PMS1: variants seen among roughly 807,000 people sequenced by gnomAD.
PMS1 encodes the protein PMS1 protein homolog 1.
A neutral mutation model predicts 93.1 loss-of-function variants in PMS1; 79 were observed. The ratio of observed to expected loss-of-function variants is 0.85; its 90% CI spans 0.71 to 1.02. The LOEUF (loss-of-function observed/expected upper bound fraction) is 1.02, where lower values mean the gene tolerates loss of function less well. PMS1 is among the 50% of genes least tolerant of loss of function. The probability of loss-of-function intolerance (pLI) is 0.00; values close to 1 mark genes in which losing one functional copy is unlikely to be tolerated. For missense variants in PMS1, 1,064 were observed against 1,085.3 expected, an observed-to-expected ratio of 0.98 and a Z score of 0.28; for synonymous variants, 335 against 363.4, an observed-to-expected ratio of 0.92 and a Z score of 0.89.
chr2:189,830,348 G>A (rs1237660269), intron 5 of PMS1, among the ~76,000 whole-genome samples: 1 of 152,074 alleles, frequency 6.6e-6, no homozygotes, highest in Non-Finnish European at 1.5e-5. Context: ...TTCCAGCTCA[G>A]GACTGTCGCA....
chr2:189,826,977 A>G lies in PMS1; in HGVS notation c.582+8797A>G, dbSNP rs550048990. Among the ~76,000 whole-genome samples the G allele has an allele frequency of 3.9e-5, 6 of 152,230 alleles. No individual in the cohort carries two copies. In the East Asian group the frequency reaches 1.2e-3, roughly 29 times the overall value. On this transcript the variant is annotated intron_variant, in intron 5 of 12. Coordinates refer to ENST00000441310, the MANE Select transcript of PMS1 (RefSeq NM_000534.5). ...TGAATTCCTTGGTGACCTCTTATGT[A>G]TTTAGGGAGTATATTTTCACTTGTA... is the stretch of plus-strand genomic sequence containing the variant.
At chr2:189,826,905 C>G (rs560505482) in intron 5 of PMS1, among the ~76,000 whole-genome samples, 40 of 152,232 alleles carry the variant, frequency 2.6e-4, no homozygotes, top group Admixed American at 2.2e-3. Flanking sequence ...ACACTCTGGC[C>G]TCTCTCAGAC....
At chr2:189,824,539 A>G (rs1454770175) in intron 5 of PMS1, among the ~76,000 whole-genome samples, 3 of 152,110 alleles carry the variant, frequency 2.0e-5, no homozygotes, top group African/African-American at 4.8e-5. Flanking sequence ...TTTATAGTGT[A>G]CTACATTTTA....
intron 3 of PMS1, among the ~76,000 whole-genome samples, chr2:189,804,146 G>A (rs1168516703): frequency 6.6e-6 from 1 of 152,146 alleles, no homozygotes; most frequent in Non-Finnish European, 1.5e-5. Flanking sequence ...GCCACTGGCA[G>A]GGTTAGTCCT....
chr2:189,848,689 G>A (rs1277551679), intron 6 of PMS1, among the ~76,000 whole-genome samples: 1 of 152,028 alleles, frequency 6.6e-6, no homozygotes, highest in Non-Finnish European at 1.5e-5. Context: ...CAGTTCCATG[G>A]GCTGTCAGAA....
intron 4 of PMS1, chr2:189,806,381 C>A: frequency 3.2e-6 from 1 of 308,042 alleles, no homozygotes; most frequent in Non-Finnish European, 6.3e-6. Flanking sequence ...TAATTGATAT[C>A]TTATGTTTTT....
At chr2:189,800,389 G>A (rs1228776867) in intron 3 of PMS1, among the ~76,000 whole-genome samples, 1 of 152,160 alleles carries the variant, frequency 6.6e-6, no homozygotes, top group Admixed American at 6.5e-5. Context: ...GTTGTTAGGA[G>A]TAGGTGAGTT....
At chr2:189,855,326 G>A (rs1205243924) in intron 9 of PMS1, among the ~76,000 whole-genome samples, 198 bp downstream of exon 9, 1 of 135,514 alleles carries the variant, frequency 7.4e-6, no homozygotes, top group Non-Finnish European at 1.5e-5. Flanking sequence ...GCGGGGGCTT[G>A]TATTATTTTG....
At chr2:189,791,062 T>A (rs1236034498) in intron 1 of PMS1, among the ~76,000 whole-genome samples, 1 of 151,876 alleles carries the variant, frequency 6.6e-6, no homozygotes, top group African/African-American at 2.4e-5. Flanking sequence ...CTTCCTCTAA[T>A]GTTATTGTGG....
intron 9 of PMS1, among the ~76,000 whole-genome samples, chr2:189,856,260 A>G (rs1466365156): frequency 2.0e-5 from 3 of 151,880 alleles, no homozygotes; most frequent in South Asian, 2.1e-4. Flanking sequence ...TTCACCACCA[A>G]TCATCTCATA....
intron 6 of PMS1, among the ~76,000 whole-genome samples, chr2:189,845,450 G>T (rs748503288): frequency 6.6e-6 from 1 of 151,322 alleles, no homozygotes; most frequent in Non-Finnish European, 1.5e-5. Flanking sequence ...GTAGTTTTTC[G>T]CTTTTTCTGG....
chr2:189,803,950 A>G lies in PMS1; in HGVS notation c.316-1702A>G, dbSNP rs556591113. ...CTAAGGTCTTATTTTGCTTTTTAGCACTTCAGTTTCTTCGTCTAGACTGGA... is the reference window on the plus strand; with the variant it reads ...CTAAGGTCTTATTTTGCTTTTTAGCGCTTCAGTTTCTTCGTCTAGACTGGA... On this transcript the variant is annotated intron_variant, in intron 3 of 12. Transcript: ENST00000441310. Among the ~76,000 whole-genome samples, 5 of 152,306 alleles carry G rather than the reference A, an allele frequency of 3.3e-5. No homozygotes were observed. The East Asian group carries it at 9.6e-4, about 29-fold the overall frequency.
chr2:189,852,627 C>G (rs2106449163), intron 6 of PMS1, 28 bp from the exon 7 acceptor site: 4 of 1,594,482 alleles, frequency 2.5e-6, no homozygotes, highest in Non-Finnish European at 2.6e-6. Context: ...ACATTGTTGA[C>G]ATTGCATATT....
At position 189,875,955 on chromosome 2, in the gene PMS1, CAAAAAA is replaced by C. The variant is rs561168809; in HGVS notation, c.2635-1297_2635-1292del. On this transcript the variant is annotated intron_variant, in intron 12 of 12. Coordinates refer to ENST00000441310, the MANE Select transcript of PMS1 (RefSeq NM_000534.5). ...TGGGCGATAGAGCTAGACTCTGTCT[CAAAAAA>C]AAAAAAAAAAAAAAAAAAATTGCAG... Among the ~76,000 whole-genome samples the C allele has an allele frequency of 5.4e-4, 25 of 46,182 alleles. No individual in the cohort carries two copies. In the East Asian group the frequency reaches 6.6e-3, roughly 12 times the overall value. The allele number at this position is 46,182 out of a possible 152,430, so 30.3% of individuals were successfully genotyped here.
rs765068532 is a variant in PMS1 at position 189,805,670 on chromosome 2, A to G, written c.334A>G (p.Thr112Ala). The G allele has an allele frequency of 1.2e-6, 2 of 1,613,686 alleles. No individual in the cohort carries two copies. The highest frequency in any genetic ancestry group is 2.2e-5 in the East Asian group (1 of 44,828). The change falls in exon 4 of 13, where the codon ACG becomes GCG. Residue 112 changes from threonine (T) to alanine (A), a missense_variant. Thr to Ala is a moderately conservative substitution (Grantham distance 58). Coordinates refer to ENST00000441310, the MANE Select transcript of PMS1 (RefSeq NM_000534.5). ...CIAEVLITTR[T>A]AADNFSTQYV... is the part of the protein sequence containing the mutation. ...CCCCCAGGTTTTAATTACAACAAGA[A>G]CGGCTGCTGATAATTTTAGCACCCA...
chr2:189,794,831 T>C (rs1333867699), intron 2 of PMS1, among the ~76,000 whole-genome samples: 1 of 152,182 alleles, frequency 6.6e-6, no homozygotes, highest in African/African-American at 2.4e-5. Context: ...ATATGATGGC[T>C]CACACCTGTA....
chr2:189,844,283 G>T (rs1458051930), intron 6 of PMS1, among the ~76,000 whole-genome samples: 6 of 152,018 alleles, frequency 3.9e-5, no homozygotes, highest in Non-Finnish European at 7.4e-5. Context: ...TCTGTTTGTT[G>T]CTTACATTGA....
chr2:189,833,740 A>G (rs1477422809), intron 5 of PMS1, among the ~76,000 whole-genome samples: 1 of 152,208 alleles, frequency 6.6e-6, no homozygotes, highest in Non-Finnish European at 1.5e-5. Flanking sequence ...GCTGGAAGAA[A>G]CCATACCTGT....
intron 12 of PMS1, 91 bp from the exon 13 acceptor site, chr2:189,877,180 TA>T (rs2057647996): frequency 9.9e-7 from 1 of 1,008,914 alleles, no homozygotes; most frequent in African/African-American, 1.6e-5. Flanking sequence ...AAAATGAAAA[TA>T]ATCAAGATTC....
Sources: allele counts gnomAD v4.1 joint callset (sites outside exome capture counted in the v4.1 genomes callset), GRCh38; gene constraint gnomAD v4.1.1; transcripts MANE v1.5; gene names NCBI Gene and HGNC (gene_info 2026-07-23, HGNC 2026-07-21).